MTMR7: variants seen among roughly 807,000 people sequenced by gnomAD.
MTMR7 encodes the protein myotubularin related protein 7.
Under a neutral mutation model 81.2 loss-of-function variants are expected in MTMR7, and 76 were observed. The ratio of observed to expected loss-of-function variants is 0.94; its 90% CI spans 0.78 to 1.13. The LOEUF (loss-of-function observed/expected upper bound fraction) is 1.13, where lower values mean the gene tolerates loss of function less well. Ranked by LOEUF, MTMR7 falls within the 50% of genes most tolerant of loss-of-function variation. The pLI, the probability that MTMR7 is intolerant of heterozygous loss-of-function variation, is 0.00. For synonymous variants in MTMR7, 372 were observed against 289.8 expected, an observed-to-expected ratio of 1.28 and a Z score of -2.88; for missense variants, 1,044 against 820.0, an observed-to-expected ratio of 1.27 and a Z score of -3.34.
intron 9 of MTMR7, 36 bp downstream of exon 9, chr8:17,311,475 C>T: frequency 6.2e-7 from 1 of 1,613,504 alleles, no homozygotes; most frequent in Non-Finnish European, 8.5e-7. Flanking sequence ...CTGGTCAAGG[C>T]ACCGCCTGTG....
In MTMR7 at chr8:17,373,146, T is replaced by C. The variant is rs1312584124; in HGVS notation, c.119A>G (p.Asn40Ser). ...LTATHVIFVENSPDPRKETWI... is the reference protein window; with the variant it reads ...LTATHVIFVESSPDPRKETWI... ...TGTTTCTTTTCTTGGGTCAGGTGAA[T>C]TTTCCACGAATATGACATGGGTAGC... is the stretch of plus-strand genomic sequence containing the variant. Residue 40 changes from asparagine to serine, a missense_variant, in exon 2 of 14, where the codon AAT (asparagine) becomes AGT (serine). Transcript: ENST00000180173. 1 of 1,613,614 alleles carries C rather than the reference T, an allele frequency of 6.2e-7. No homozygotes were observed. Among genetic ancestry groups the C allele is most frequent in the Non-Finnish European group, 8.5e-7 (1 of 1,179,644 alleles).
intron 7 of MTMR7, among the ~76,000 whole-genome samples, chr8:17,325,275 C>G (rs1267253124): frequency 6.6e-6 from 1 of 152,124 alleles, no homozygotes; most frequent in Non-Finnish European, 1.5e-5. Flanking sequence ...ACCGTCATAC[C>G]CACCACGATG....
At chr8:17,374,312 C>T (rs1820506443) in intron 1 of MTMR7, among the ~76,000 whole-genome samples, 1 of 151,928 alleles carries the variant, frequency 6.6e-6, no homozygotes, top group South Asian at 2.1e-4. Context: ...GTGGTGAAAT[C>T]CCACGTCTCT....
chr8:17,367,800 T>G (rs1400131994), intron 3 of MTMR7, among the ~76,000 whole-genome samples: 1 of 152,020 alleles, frequency 6.6e-6, no homozygotes, highest in African/African-American at 2.4e-5. Flanking sequence ...TGTGTCCCTC[T>G]GCTAACAGCT....
intron 1 of MTMR7, among the ~76,000 whole-genome samples, chr8:17,402,142 A>C (rs926673900): frequency 2.0e-5 from 3 of 152,132 alleles, no homozygotes; most frequent in African/African-American, 4.8e-5. Context: ...ATATTTATGG[A>C]GTATGTGAGA....
chr8:17,334,021 A>G lies in MTMR7; in HGVS notation c.733-2739T>C, dbSNP rs183990608. On this transcript the variant is annotated intron_variant, in intron 6 of 13. Transcript: ENST00000180173. ...TTAACCTATAATTAAGACTCCATGT[A>G]CACATTATGAAATAGCTGATTATCC... Among the ~76,000 whole-genome samples the G allele has an allele frequency of 3.3e-5, 5 of 152,366 alleles. No homozygotes were observed. The East Asian group carries it at 7.7e-4, about 23-fold the overall frequency.
In MTMR7 at chr8:17,300,054, G is replaced by A. The variant is rs111589936; in HGVS notation, c.1791C>T (p.Gly597=). Residue 597 remains glycine (G), a synonymous_variant, in exon 14 of 14, where the codon GGC becomes GGT. Coordinates refer to ENST00000180173, the MANE Select transcript of MTMR7 (RefSeq NM_004686.5). ...KSFPSRSPSQ[G]DEDSALILTQ... ...TTAGAATCAGAGCAGAATCTTCATC[G>A]CCTTGTGAAGGGCTCCGGGATGGAA... 7.2e-5 allele frequency: 116 copies of A among 1,614,066 alleles called. No individual in the cohort carries two copies. The highest frequency in any genetic ancestry group is 1.3e-4 in the African/African-American group (10 of 75,020).
chr8:17,302,303 G>C, intron 12 of MTMR7, 23 bp from the exon 13 acceptor site: 1 of 1,609,314 alleles, frequency 6.2e-7, no homozygotes, highest in Non-Finnish European at 8.5e-7. Flanking sequence ...GCAAAGCGTC[G>C]TGATACCACC....
At chr8:17,308,937 G>C (rs760581244) in intron 10 of MTMR7, among the ~76,000 whole-genome samples, 4 of 152,206 alleles carry the variant, frequency 2.6e-5, no homozygotes, top group Non-Finnish European at 4.4e-5. Context: ...ACAACTTGCA[G>C]ACTAAAGTGA....
At chr8:17,324,165 C>G (rs1368832504) in intron 7 of MTMR7, among the ~76,000 whole-genome samples, 3 of 152,148 alleles carry the variant, frequency 2.0e-5, no homozygotes, top group African/African-American at 7.2e-5. Context: ...GATTTCTGCT[C>G]TAGGTCAAAA....
At chr8:17,371,233 A>C (rs778863607) in intron 2 of MTMR7, 34 bp from the exon 3 acceptor site, 2 of 1,602,116 alleles carry the variant, frequency 1.2e-6, no homozygotes, top group South Asian at 2.2e-5. Flanking sequence ...TAAGCTAAGC[A>C]CAAATAACTA....
intron 4 of MTMR7, among the ~76,000 whole-genome samples, chr8:17,351,566 C>G (rs1451415102): frequency 6.6e-6 from 1 of 152,206 alleles, no homozygotes; most frequent in African/African-American, 2.4e-5. Context: ...TTGGCATGTG[C>G]CAGGACAAAG....
rs779550602 is a variant in MTMR7, at chr8:17,299,929, T to C, written c.1916A>G (p.Glu639Gly). 61 of 1,614,038 alleles carry C rather than the reference T, an allele frequency of 3.8e-5. No homozygotes were observed. Among genetic ancestry groups the C allele is most frequent in the Non-Finnish European group, 4.7e-5 (56 of 1,180,016 alleles). The change falls in exon 14 of 14, where the codon GAG becomes GGG. Residue 639 changes from glutamate to glycine, a missense_variant. Coordinates refer to ENST00000180173, the MANE Select transcript of MTMR7 (RefSeq NM_004686.5). ...GCCACTATCTTCACTCGGTGCATGC[T>C]CACCACCACTTGGAGACCGACAGCT... ...DLSCRSPSGGEHAPSEDSGKD... is the reference protein window; with the variant it reads ...DLSCRSPSGGGHAPSEDSGKD...
chr8:17,340,534 G>C (rs1819377257), intron 6 of MTMR7, among the ~76,000 whole-genome samples: 1 of 152,208 alleles, frequency 6.6e-6, no homozygotes, highest in Admixed American at 6.5e-5. Flanking sequence ...ACTTGTTGAA[G>C]TTTTAGAAGA....
At chr8:17,408,943 A>G (rs1012273539) in intron 1 of MTMR7, among the ~76,000 whole-genome samples, 3 of 152,222 alleles carry the variant, frequency 2.0e-5, no homozygotes, top group African/African-American at 7.2e-5. Flanking sequence ...TGAATTGTGC[A>G]TTTTAATAAA....
chr8:17,396,089 T>C (rs951595622), intron 1 of MTMR7, among the ~76,000 whole-genome samples: 5 of 150,862 alleles, frequency 3.3e-5, no homozygotes, highest in Non-Finnish European at 7.4e-5. Context: ...ATAATATCCA[T>C]CAGGAGATAT....
At chr8:17,347,089 G>C (rs1378074064) in intron 5 of MTMR7, among the ~76,000 whole-genome samples, 1 of 151,542 alleles carries the variant, frequency 6.6e-6, no homozygotes, top group African/African-American at 2.4e-5. Flanking sequence ...AGTGACTCGG[G>C]AGGCTGAGAT....
At chr8:17,411,898 T>A (rs936451154) in intron 1 of MTMR7, among the ~76,000 whole-genome samples, 12 of 152,234 alleles carry the variant, frequency 7.9e-5, no homozygotes, top group African/African-American at 2.7e-4. Context: ...CTATCACTTT[T>A]ACAAACGGCT....
In MTMR7 at chr8:17,297,240, G is replaced by A. The variant is rs1461690511; in HGVS notation, c.*2622C>T. 6.6e-6 allele frequency: 1 copy of A among 152,000 alleles called. No homozygotes were observed. Among genetic ancestry groups the A allele is most frequent in the Non-Finnish European group, 1.5e-5 (1 of 67,968 alleles). The allele number at this position is 152,000 out of a possible 1,614,324, so 9.4% of individuals were successfully genotyped here. A position where few individuals can be genotyped will look rare whatever the true frequency, so the allele number is the denominator to read the frequency against. ...AATTTGTCATAGGTAGAGATTTAAAGGTTAATATCTTAAAATAGAAGAAAA... is the reference window on the plus strand; with the variant it reads ...AATTTGTCATAGGTAGAGATTTAAAAGTTAATATCTTAAAATAGAAGAAAA... On this transcript the variant is annotated 3_prime_UTR_variant, in exon 14 of 14. Transcript: ENST00000180173.
Sources: gnomAD v4.1 joint callset for allele counts (sites outside exome capture counted in the v4.1 genomes callset) on GRCh38, gnomAD v4.1.1 for gene constraint, MANE v1.5 for transcripts, NCBI Gene and HGNC (gene_info 2026-07-23, HGNC 2026-07-21) for gene names.